The following SP110 variants were observed in gnomAD, a reference collection of about 807,000 sequenced individuals.
SP110 encodes the protein interferon-induced protein 41, 30kD.
A neutral mutation model predicts 92.7 loss-of-function variants in SP110; 62 were observed. That is an observed-to-expected ratio of 0.67 (90% CI 0.55 to 0.83). SP110 has a LOEUF of 0.83. Ranked by LOEUF, SP110 falls within the 40% of genes least tolerant of loss-of-function variation. SP110 has a pLI of 0.00. For synonymous variants in SP110, 273 were observed against 305.3 expected, an observed-to-expected ratio of 0.89 and a Z score of 1.10; for missense variants, 793 against 863.9, an observed-to-expected ratio of 0.92 and a Z score of 1.03.
intron 8 of SP110, chr2:230,203,606 CT>C (rs2043419482): frequency 6.6e-6 from 1 of 150,946 alleles, no homozygotes; most frequent in Non-Finnish European, 1.5e-5. Flanking sequence ...TAAAACTTGC[CT>C]TTCATTGCCA....
chr2:230,178,997 G>C (rs949943096), intron 12 of SP110, among the ~76,000 whole-genome samples: 8 of 152,174 alleles, frequency 5.3e-5, no homozygotes, highest in African/African-American at 1.7e-4. Context: ...AGAAATGAAG[G>C]GGCTGTCCAT....
intron 1 of SP110, among the ~76,000 whole-genome samples, chr2:230,218,962 T>C (rs2045536435): frequency 6.6e-6 from 1 of 152,204 alleles, no homozygotes; most frequent in Non-Finnish European, 1.5e-5. Context: ...TGGTGGCTCA[T>C]GCCTGTAATC....
At chr2:230,224,831 T>G (rs1342404818), upstream of SP110, among the ~76,000 whole-genome samples, 2 of 152,238 alleles carry the variant, frequency 1.3e-5, no homozygotes, top group African/African-American at 2.4e-5. Flanking sequence ...CTGGCTCTCA[T>G]CAGCCCCCTG....
chr2:230,222,582 G>A (rs1452517127), upstream of SP110, among the ~76,000 whole-genome samples: 1 of 151,730 alleles, frequency 6.6e-6, no homozygotes, highest in Non-Finnish European at 1.5e-5. Context: ...AAATTAATTG[G>A]GCATGTTGGC....
chr2:230,177,388 T>A, intron 14 of SP110, 150 bp downstream of exon 14: 3 of 848,916 alleles, frequency 3.5e-6, no homozygotes, highest in African/African-American at 1.7e-5. Context: ...CCTAACTTTG[T>A]CACCCACAGT....
At chr2:230,196,738 T>C (rs1464865773) in intron 10 of SP110, among the ~76,000 whole-genome samples, 4 of 146,614 alleles carry the variant, frequency 2.7e-5, no homozygotes, top group African/African-American at 1.0e-4. Context: ...TTCCCCTTCC[T>C]GTGTCCATGT....
intron 12 of SP110, among the ~76,000 whole-genome samples, chr2:230,178,497 T>A (rs17262136): frequency 0.021 from 3,218 of 152,126 alleles, 44 homozygotes; most frequent in South Asian, 0.039. Context: ...ATATAGGGCA[T>A]CTTCAGTGAA....
intron 8 of SP110, among the ~76,000 whole-genome samples, chr2:230,205,915 G>A (rs1319132815): frequency 1.3e-5 from 2 of 152,170 alleles, no homozygotes; most frequent in East Asian, 3.9e-4. Flanking sequence ...TGAATAATCT[G>A]ACTAGTTTAC....
At chr2:230,214,030 A>C (rs1301100992) in intron 3 of SP110, 1 of 152,264 alleles carries the variant, frequency 6.6e-6, no homozygotes, top group African/African-American at 2.4e-5. Context: ...TCCACTAATG[A>C]AAATATCCAA....
chr2:230,204,913 G>A (rs1205677714), intron 8 of SP110, among the ~76,000 whole-genome samples: 1 of 152,182 alleles, frequency 6.6e-6, no homozygotes, highest in Non-Finnish European at 1.5e-5. Flanking sequence ...AAAGGGGAGA[G>A]AAATGAAATG....
At chr2:230,202,846 A>G in intron 8 of SP110, 118 bp from the exon 9 acceptor site, 1 of 916,686 alleles carries the variant, frequency 1.1e-6, no homozygotes, top group South Asian at 1.3e-5. Flanking sequence ...AGATCTCTGT[A>G]CCCCTGTACC....
At chr2:230,185,659 G>A (rs971603502) in intron 11 of SP110, among the ~76,000 whole-genome samples, 4 of 152,152 alleles carry the variant, frequency 2.6e-5, no homozygotes, top group African/African-American at 7.2e-5. Flanking sequence ...TTGAGGATTG[G>A]TGCCACTTCC....
intron 18 of SP110, among the ~76,000 whole-genome samples, chr2:230,169,733 C>G (rs1277558543): frequency 6.6e-6 from 1 of 152,186 alleles, no homozygotes; most frequent in Non-Finnish European, 1.5e-5. Flanking sequence ...TTCCACCTGA[C>G]AGGCGATTTA....
At chr2:230,215,618 C>G (rs1241453384) in intron 2 of SP110, among the ~76,000 whole-genome samples, 2 of 152,172 alleles carry the variant, frequency 1.3e-5, no homozygotes, top group Non-Finnish European at 2.9e-5. Context: ...TGAGAATTTT[C>G]CTTGCCTAGA....
intron 3 of SP110, among the ~76,000 whole-genome samples, chr2:230,214,383 A>G (rs2044858878): frequency 6.6e-6 from 1 of 152,034 alleles, no homozygotes; most frequent in Non-Finnish European, 1.5e-5. Context: ...GGGCCCTGGT[A>G]TTGGGAGACC....
upstream of SP110, chr2:230,221,812 A>C: frequency 8.1e-7 from 1 of 1,235,532 alleles, no homozygotes; most frequent in Non-Finnish European, 1.1e-6. Flanking sequence ...AGGCAAATGC[A>C]AAACAAACAA....
chr2:230,172,828 G>C lies in SP110; in HGVS notation c.1706+16C>G, dbSNP rs1453021345. ...GTGAGTGCTGTGTGCCCGAGGCGGG[G>C]CTGCATCCCACTCACCTCTTGGCTT... On this transcript the variant is annotated intron_variant, in intron 15 of 18. Coordinates refer to ENST00000258381, the MANE Select transcript of SP110 (RefSeq NM_080424.4). 6.5e-7 allele frequency: 1 copy of C among 1,546,796 alleles called. No homozygotes were observed. Among genetic ancestry groups the C allele is most frequent in the Non-Finnish European group, 8.9e-7 (1 of 1,118,722 alleles).
At position 230,167,821 on chromosome 2, in the gene SP110, G is replaced by A. The variant is rs1046142021; in HGVS notation, c.*1303C>T. 6 of 152,108 alleles carry A rather than the reference G, an allele frequency of 3.9e-5. No homozygotes were observed. The highest frequency in any genetic ancestry group is 2.0e-4 in the Admixed American group (3 of 15,258). The allele number at this position is 152,108 out of a possible 1,614,324, so 9.4% of individuals were successfully genotyped here. A position where few individuals can be genotyped will look rare whatever the true frequency, so the allele number is the denominator to read the frequency against. ...CTGAATTCTTGATCCACAGAATAGTGAGCAATAAAATGTTTTTTTCTTTTT... is the reference window on the plus strand; with the variant it reads ...CTGAATTCTTGATCCACAGAATAGTAAGCAATAAAATGTTTTTTTCTTTTT... On this transcript the variant is annotated 3_prime_UTR_variant, in exon 19 of 19. Coordinates refer to ENST00000258381, the MANE Select transcript of SP110 (RefSeq NM_080424.4).
At position 230,215,088 on chromosome 2, in the gene SP110, G is replaced by T. The variant is rs2044957058; in HGVS notation, c.178C>A (p.Pro60Thr). 5.0e-6 allele frequency: 8 copies of T among 1,613,808 alleles called. No individual in the cohort carries two copies. The highest frequency in any genetic ancestry group is 6.8e-6 in the Non-Finnish European group (8 of 1,179,740). The change falls in exon 3 of 19, where the codon CCT becomes ACT. Residue 60 changes from proline (P) to threonine (T), a missense_variant. By Grantham distance (38) the Pro-to-Thr change is conservative. Coordinates refer to ENST00000258381, the MANE Select transcript of SP110 (RefSeq NM_080424.4). ...ATGTTGTGCACCACTCTGGATACAG[G>T]GATCAAATTTCTACAGGCTTCCAGA... ...ESLEACRNLIPVSRVVHNILT... is the reference protein window; with the variant it reads ...ESLEACRNLITVSRVVHNILT...
Sources: allele counts gnomAD v4.1 joint callset (sites outside exome capture counted in the v4.1 genomes callset), GRCh38; gene constraint gnomAD v4.1.1; transcripts MANE v1.5; gene names NCBI Gene and HGNC (gene_info 2026-07-23, HGNC 2026-07-21).